Variants in PTPRD observed in about 807,000 individuals in gnomAD.
The protein encoded by PTPRD is protein tyrosine phosphatase receptor type D.
A neutral mutation model predicts 214.5 loss-of-function variants in PTPRD; 34 were observed. The ratio of observed to expected loss-of-function variants is 0.16; its 90% CI spans 0.12 to 0.21. The LOEUF is 0.21. Ranked by LOEUF, PTPRD falls within the 10% of genes least tolerant of loss-of-function variation. The probability of loss-of-function intolerance (pLI) is 1.00; values close to 1 mark genes in which losing one functional copy is unlikely to be tolerated. For missense variants in PTPRD, 2,545 were observed against 2,398.7 expected (o/e 1.06, Z -1.27); for synonymous variants, 1,128 against 845.7 (o/e 1.33, Z -5.79).
intron 12 of PTPRD, among the ~76,000 whole-genome samples, chr9:8,691,355 G>A (rs2097795851): frequency 6.7e-6 from 1 of 150,152 alleles, no homozygotes. Context: ...AGTGTCTACA[G>A]TACCATGTTC....
Position 8,494,631 on chromosome 9 carries a change from T to C in PTPRD, c.2350-1652A>G, listed in dbSNP as rs540024440. On this transcript the variant is annotated intron_variant, in intron 26 of 45. Transcript: ENST00000381196. Reference sequence around the variant, plus strand: ...GGCTTGCTTCCATCACCAAATTTTGTAGCAAGAAATTATGCACTCTGAGAC... The same window carrying C: ...GGCTTGCTTCCATCACCAAATTTTGCAGCAAGAAATTATGCACTCTGAGAC... Among the ~76,000 whole-genome samples the C allele has an allele frequency of 5.3e-5, 8 of 152,362 alleles. No homozygotes were observed. In the South Asian group the frequency reaches 1.7e-3, roughly 32 times the overall value.
chr9:10,352,905 G>A (rs1200734066), intron 2 of PTPRD, among the ~76,000 whole-genome samples: 1 of 151,904 alleles, frequency 6.6e-6, no homozygotes, highest in African/African-American at 2.4e-5. Context: ...CCTAAATGCT[G>A]CAATACCTTT....
At chr9:10,474,608 C>G (rs1165443406) in intron 2 of PTPRD, among the ~76,000 whole-genome samples, 1 of 152,080 alleles carries the variant, frequency 6.6e-6, no homozygotes, top group Non-Finnish European at 1.5e-5. Context: ...ATGTTCAAGA[C>G]TTGAACTCGG....
chr9:9,283,083 C>T (rs922542691), intron 9 of PTPRD, among the ~76,000 whole-genome samples: 1 of 151,352 alleles, frequency 6.6e-6, no homozygotes. Context: ...CAAAAAAACT[C>T]ATGTCATGGA....
At chr9:10,593,186 C>T (rs1418308952) in intron 2 of PTPRD, among the ~76,000 whole-genome samples, 1 of 151,958 alleles carries the variant, frequency 6.6e-6, no homozygotes, top group African/African-American at 2.4e-5. Context: ...AGCAGTGCCT[C>T]TTAAACCATA....
chr9:8,697,240 T>G (rs933946946), intron 12 of PTPRD, among the ~76,000 whole-genome samples: 1 of 151,978 alleles, frequency 6.6e-6, no homozygotes, highest in Non-Finnish European at 1.5e-5. Context: ...GAAAAGGGCT[T>G]TTACATTCCC....
intron 4 of PTPRD, among the ~76,000 whole-genome samples, chr9:9,999,983 G>A (rs1392602481): frequency 6.6e-6 from 1 of 152,054 alleles, no homozygotes; most frequent in African/African-American, 2.4e-5. Context: ...GTTGTAAGAG[G>A]GTCTGTGAAA....
At chr9:10,377,966 T>C (rs2097761082) in intron 2 of PTPRD, among the ~76,000 whole-genome samples, 1 of 152,034 alleles carries the variant, frequency 6.6e-6, no homozygotes, top group Non-Finnish European at 1.5e-5. Flanking sequence ...CTATTTTTAG[T>C]TTTTTGAGGA....
intron 11 of PTPRD, among the ~76,000 whole-genome samples, chr9:8,829,721 C>A (rs2097251038): frequency 6.6e-6 from 1 of 152,098 alleles, no homozygotes; most frequent in African/African-American, 2.4e-5. Context: ...TATATTTTGA[C>A]AGCACAGAAC....
At chr9:9,571,287 CAAAA>C (rs1445673606) in intron 8 of PTPRD, among the ~76,000 whole-genome samples, 7 of 150,766 alleles carry the variant, frequency 4.6e-5, no homozygotes, top group Admixed American at 3.3e-4. Flanking sequence ...TTAAAACAAA[CAAAA>C]AAAGATATGT....
intron 5 of PTPRD, among the ~76,000 whole-genome samples, chr9:9,900,595 A>G (rs943602942): frequency 1.3e-5 from 2 of 151,558 alleles, no homozygotes; most frequent in African/African-American, 4.9e-5. Context: ...AAACTCTTCC[A>G]AAGTCGGCCT....
At chr9:10,116,050 C>G (rs1368627084) in intron 3 of PTPRD, among the ~76,000 whole-genome samples, 1 of 151,974 alleles carries the variant, frequency 6.6e-6, no homozygotes, top group Non-Finnish European at 1.5e-5. Context: ...ACAAAATCTG[C>G]CTGTCTTCAT....
intron 9 of PTPRD, among the ~76,000 whole-genome samples, chr9:9,373,607 C>A (rs1045484702): frequency 6.6e-6 from 1 of 152,070 alleles, no homozygotes; most frequent in African/African-American, 2.4e-5. Context: ...ATGGTCACCT[C>A]ACTCCAATCT....
At position 8,476,128 on chromosome 9, in the gene PTPRD, G is replaced by C. The variant is rs1413433073; in HGVS notation, c.3414-5043C>G. 2.0e-5 allele frequency among the ~76,000 whole-genome samples: 3 copies of C among 152,196 alleles called. No individual in the cohort carries two copies. In the East Asian group the frequency reaches 5.8e-4, roughly 29 times the overall value. On this transcript the variant is annotated intron_variant, in intron 30 of 45. Transcript: ENST00000381196. ...TAGTCCAGTGGTTCCGAGCCTTTTT[G>C]GCACCAAGGACTGATTTTATGGAAG...
At chr9:9,057,887 A>C (rs1445706300) in intron 10 of PTPRD, among the ~76,000 whole-genome samples, 2 of 152,204 alleles carry the variant, frequency 1.3e-5, no homozygotes, top group Non-Finnish European at 2.9e-5. Flanking sequence ...TTAGCACAAG[A>C]CATAATTAGA....
At chr9:9,220,558 G>T (rs986483255) in intron 9 of PTPRD, among the ~76,000 whole-genome samples, 1 of 151,950 alleles carries the variant, frequency 6.6e-6, no homozygotes, top group African/African-American at 2.4e-5. Context: ...AAAGCAAGGG[G>T]ATGCTCCATG....
chr9:9,558,548 C>T (rs150614805), intron 8 of PTPRD, among the ~76,000 whole-genome samples: 40 of 152,224 alleles, frequency 2.6e-4, no homozygotes, highest in African/African-American at 8.9e-4. Context: ...TGACATACAA[C>T]TGGGAATGCA....
At chr9:9,028,205 T>C (rs979990528) in intron 10 of PTPRD, among the ~76,000 whole-genome samples, 17 of 151,982 alleles carry the variant, frequency 1.1e-4, no homozygotes, top group African/African-American at 4.1e-4. Context: ...CTAAATATGT[T>C]TCTGAGAATT....
chr9:8,492,870 G>T lies in PTPRD; in HGVS notation c.2459C>A (p.Thr820Asn). The change falls in exon 27 of 46, where the codon ACT becomes AAT. Residue 820 changes from threonine (T) to asparagine (N), a missense_variant. Transcript: ENST00000381196. The part of the protein sequence containing the change: ...ARSKPKLVST[T>N]GAVPGKPRLV... ...TGCACAGACATGATTACCTGCCCCA[G>T]TGGTGGACACCAGTTTGGGCTTGCT... 6.2e-7 allele frequency: 1 copy of T among 1,612,868 alleles called. No homozygotes were observed. Among genetic ancestry groups the T allele is most frequent in the Non-Finnish European group, 8.5e-7 (1 of 1,178,930 alleles).
Sources: allele counts gnomAD v4.1 joint callset (sites outside exome capture counted in the v4.1 genomes callset), GRCh38; gene constraint gnomAD v4.1.1; transcripts MANE v1.5; gene names NCBI Gene and HGNC (gene_info 2026-07-23, HGNC 2026-07-21).